CNTNAP2: variants seen among roughly 807,000 people sequenced by gnomAD.
The protein encoded by CNTNAP2 is contactin-associated protein-like 2.
CNTNAP2 carries 98 observed loss-of-function variants against 155.2 expected under a neutral mutation model. The ratio of observed to expected loss-of-function variants is 0.63; its 90% CI spans 0.54 to 0.75. CNTNAP2 has a LOEUF of 0.75. Ranked by LOEUF, CNTNAP2 falls within the 30% of genes least tolerant of loss-of-function variation. The pLI, the probability that CNTNAP2 is intolerant of heterozygous loss-of-function variation, is 0.00. For synonymous variants in CNTNAP2, 651 were observed against 631.2 expected, an observed-to-expected ratio of 1.03 and a Z score of -0.47; for missense variants, 1,727 against 1,688.1, an observed-to-expected ratio of 1.02 and a Z score of -0.40.
chr7:147,747,262 T>C (rs1305726162), intron 13 of CNTNAP2, among the ~76,000 whole-genome samples: 3 of 152,180 alleles, frequency 2.0e-5, no homozygotes, highest in African/African-American at 7.2e-5. Flanking sequence ...GTTTTGATGA[T>C]TTTTCTCATC....
At chr7:147,091,183 C>A (rs1389777041) in intron 4 of CNTNAP2, among the ~76,000 whole-genome samples, 2 of 152,026 alleles carry the variant, frequency 1.3e-5, no homozygotes, top group African/African-American at 2.4e-5. Context: ...TAAACAGACC[C>A]AGAAAGTGAA....
intron 1 of CNTNAP2, among the ~76,000 whole-genome samples, chr7:146,211,888 T>G (rs1799040602): frequency 6.6e-6 from 1 of 152,080 alleles, no homozygotes. Context: ...TTAAGTTTAT[T>G]AATTAAGTAT....
At chr7:146,795,657 C>T (rs948530248) in intron 2 of CNTNAP2, among the ~76,000 whole-genome samples, 1 of 152,180 alleles carries the variant, frequency 6.6e-6, no homozygotes, top group Non-Finnish European at 1.5e-5. Flanking sequence ...CCCAATTTCC[C>T]AACTACCCTT....
intron 21 of CNTNAP2, among the ~76,000 whole-genome samples, chr7:148,270,656 A>G (rs1385193601): frequency 6.6e-6 from 1 of 152,244 alleles, no homozygotes; most frequent in Non-Finnish European, 1.5e-5. Context: ...GTGAAAGGGT[A>G]TGGATGATCA....
At chr7:146,850,132 C>G (rs1229807212) in intron 3 of CNTNAP2, among the ~76,000 whole-genome samples, 2 of 152,186 alleles carry the variant, frequency 1.3e-5, no homozygotes, top group East Asian at 3.9e-4. Flanking sequence ...ATCATTCTGG[C>G]AAAAAGATAT....
chr7:146,890,948 T>C (rs1259940139), intron 3 of CNTNAP2, among the ~76,000 whole-genome samples: 3 of 152,178 alleles, frequency 2.0e-5, no homozygotes, highest in Non-Finnish European at 4.4e-5. Flanking sequence ...GGTGTGCTTA[T>C]CACAGCACTA....
intron 1 of CNTNAP2, among the ~76,000 whole-genome samples, chr7:146,772,375 G>A (rs1802307444): frequency 6.6e-6 from 1 of 151,702 alleles, no homozygotes; most frequent in Non-Finnish European, 1.5e-5. Flanking sequence ...AGGAAGAGGA[G>A]GGGCCAGGTG....
At chr7:146,859,550 G>A (rs1158920720) in intron 3 of CNTNAP2, among the ~76,000 whole-genome samples, 2 of 152,030 alleles carry the variant, frequency 1.3e-5, no homozygotes, top group South Asian at 2.1e-4. Context: ...CCAGCTACTT[G>A]GGAGGCTGAG....
chr7:148,386,892 G>C (rs987951634), intron 22 of CNTNAP2, among the ~76,000 whole-genome samples: 27 of 152,284 alleles, frequency 1.8e-4, no homozygotes, highest in Admixed American at 8.5e-4. Context: ...AAAAGAGGCA[G>C]TGGGGGAAAA....
chr7:146,970,286 G>C lies in CNTNAP2; in HGVS notation c.403-73621G>C, dbSNP rs565923792. Among the ~76,000 whole-genome samples, 4 of 151,998 alleles carry C rather than the reference G, an allele frequency of 2.6e-5. No individual in the cohort carries two copies. The East Asian group carries it at 5.8e-4, about 22-fold the overall frequency. ...GAGTGAACAGGCAACCTACAAAATC[G>C]GAGAAAATTTTCACAACCTACTCAT... On this transcript the variant is annotated intron_variant, in intron 3 of 23. Coordinates refer to ENST00000361727, the MANE Select transcript of CNTNAP2 (RefSeq NM_014141.6).
chr7:147,415,439 C>A (rs1035279179), intron 10 of CNTNAP2, among the ~76,000 whole-genome samples: 10 of 152,190 alleles, frequency 6.6e-5, no homozygotes, highest in African/African-American at 2.4e-4. Flanking sequence ...TTCCCCCATG[C>A]TGTTCTTGAT....
chr7:148,256,812 G>A (rs1490941963), intron 20 of CNTNAP2, among the ~76,000 whole-genome samples: 1 of 152,146 alleles, frequency 6.6e-6, no homozygotes, highest in Admixed American at 6.5e-5. Context: ...TTAGGTAAAG[G>A]GGGCTCAGGA....
chr7:148,315,414 G>A (rs553033872), intron 21 of CNTNAP2, among the ~76,000 whole-genome samples: 1 of 152,252 alleles, frequency 6.6e-6, no homozygotes, highest in South Asian at 2.1e-4. Context: ...GGGGTCACAG[G>A]GTGCTCAGTA....
intron 11 of CNTNAP2, 50 bp from the exon 12 acceptor site, chr7:147,562,088 G>A (rs1383973401): frequency 6.2e-7 from 1 of 1,612,516 alleles, no homozygotes; most frequent in Non-Finnish European, 8.5e-7. Flanking sequence ...TTTATCTGGG[G>A]AGCCATTTGT....
intron 16 of CNTNAP2, among the ~76,000 whole-genome samples, chr7:148,126,843 G>T (rs1315533704): frequency 6.6e-6 from 1 of 152,170 alleles, no homozygotes; most frequent in Non-Finnish European, 1.5e-5. Flanking sequence ...TAGGCCAACT[G>T]TTCGCCTGGC....
intron 1 of CNTNAP2, among the ~76,000 whole-genome samples, chr7:146,139,088 A>C (rs1339057102): frequency 6.6e-6 from 1 of 152,156 alleles, no homozygotes; most frequent in Non-Finnish European, 1.5e-5. Flanking sequence ...ATCTGGCAGC[A>C]TGATCCACTA....
intron 12 of CNTNAP2, among the ~76,000 whole-genome samples, chr7:147,568,475 AGG>A (rs1469485163): frequency 1.3e-5 from 2 of 152,156 alleles, no homozygotes; most frequent in African/African-American, 2.4e-5. Context: ...GATGACATTG[AGG>A]AGAGAAGATT....
intron 1 of CNTNAP2, among the ~76,000 whole-genome samples, chr7:146,501,124 G>T (rs146011136): frequency 6.6e-6 from 1 of 151,894 alleles, no homozygotes; most frequent in Non-Finnish European, 1.5e-5. Context: ...CAGTCTGCTA[G>T]TATTTTTGTT....
At chr7:148,395,813 T>C (rs1427278079) in intron 22 of CNTNAP2, among the ~76,000 whole-genome samples, 2 of 152,050 alleles carry the variant, frequency 1.3e-5, no homozygotes, top group African/African-American at 4.8e-5. Context: ...TCTCTGAAAC[T>C]CCAGTGATAA....
Sources: gnomAD v4.1 joint callset for allele counts (sites outside exome capture counted in the v4.1 genomes callset) on GRCh38, gnomAD v4.1.1 for gene constraint, MANE v1.5 for transcripts, NCBI Gene and HGNC (gene_info 2026-07-23, HGNC 2026-07-21) for gene names.